The following ARHGAP23 variants were observed in gnomAD, a reference collection of about 807,000 sequenced individuals.
ARHGAP23 encodes the protein Rho GTPase activating protein 23, also known as rho GTPase-activating protein 23.
In ARHGAP23, 34 loss-of-function variants were observed where a neutral mutation model predicts 136.3. The observed-to-expected ratio is 0.25, with a 90% CI of 0.19 to 0.33. ARHGAP23 has a LOEUF of 0.33. Among genes scored for constraint, ARHGAP23 ranks in the 10% least tolerant of loss-of-function variants. ARHGAP23 has a pLI of 1.00. For missense variants in ARHGAP23, 1,808 were observed against 2,139.0 expected (o/e 0.85, Z 3.05); for synonymous variants, 832 against 920.5 (o/e 0.90, Z 1.74).
intron 22 of ARHGAP23, among the ~76,000 whole-genome samples, chr17:38,499,449 C>T (rs2040471631): frequency 6.6e-6 from 1 of 152,236 alleles, no homozygotes; most frequent in South Asian, 2.1e-4. Flanking sequence ...AGATGATTTA[C>T]ATGCTCAGAG....
At position 38,466,347 on chromosome 17, in the gene ARHGAP23, C is replaced by A; in HGVS notation, c.664C>A (p.Pro222Thr). Residue 222 changes from proline to threonine, a missense_variant, in exon 7 of 24, where the codon CCT (proline) becomes ACT (threonine). Coordinates refer to ENST00000622683, the MANE Select transcript of ARHGAP23 (RefSeq NM_001199417.2). The part of the protein sequence containing the change: ...TSALPSDPRS[P>T]AAWSDPGLRV... ...AGCACTGCCCAGTGACCCCCGGAGT[C>A]CTGCTGCCTGGAGTGACCCGGGGCT... 1 of 1,542,322 alleles carries A rather than the reference C, an allele frequency of 6.5e-7. No individual in the cohort carries two copies. The highest frequency in any genetic ancestry group is 8.7e-7 in the Non-Finnish European group (1 of 1,145,976).
chr17:38,470,060 A>T (rs1333659052), intron 10 of ARHGAP23, among the ~76,000 whole-genome samples, 156 bp downstream of exon 10: 1 of 151,886 alleles, frequency 6.6e-6, no homozygotes, highest in Non-Finnish European at 1.5e-5. Context: ...CCACCGCGGG[A>T]CCCGCCCTCT....
rs778025028 is a variant in ARHGAP23 at position 38,466,271 on chromosome 17, C to T, written c.588C>T (p.Ala196=). 1.9e-6 allele frequency: 3 copies of T among 1,548,682 alleles called. No homozygotes were observed. In the East Asian group the frequency reaches 7.3e-5, roughly 38 times the overall value. ...PPICYPRKTY[A]PPARASTRAT... ...TCTGCTACCCCCGCAAGACCTACGC[C>T]CCTCCTGCCCGGGCCTCCACCAGGG... The change falls in exon 7 of 24, where the codon GCC becomes GCT. Residue 196 remains alanine (A), a synonymous_variant. Coordinates refer to ENST00000622683, the MANE Select transcript of ARHGAP23 (RefSeq NM_001199417.2).
chr17:38,465,478 G>A (rs1325930956), intron 6 of ARHGAP23, among the ~76,000 whole-genome samples: 2 of 152,332 alleles, frequency 1.3e-5, no homozygotes, highest in Non-Finnish European at 1.5e-5. Context: ...CCACAAGGCC[G>A]CTGTCCCTGG....
At chr17:38,443,615 GGTTCA>G (rs1359106476) in intron 1 of ARHGAP23, among the ~76,000 whole-genome samples, 3 of 151,636 alleles carry the variant, frequency 2.0e-5, no homozygotes, top group African/African-American at 7.3e-5. Flanking sequence ...ATTAGGGAGT[GGTTCA>G]GTTCATAGGC....
rs1478577877 is a variant in ARHGAP23 at position 38,491,864 on chromosome 17, C to CA, written c.3276+333dup. On this transcript the variant is annotated intron_variant, in intron 20 of 23. Coordinates refer to ENST00000622683, the MANE Select transcript of ARHGAP23 (RefSeq NM_001199417.2). ...TGGTGGAGGGCGGAAGGGGCAGCTT[C>CA]AGAAGTTGGCCCCTGGAGAGGTGTC... 15 of 325,896 alleles carry CA rather than the reference C, an allele frequency of 4.6e-5. 1 individual carries two copies. Among genetic ancestry groups the CA allele is most frequent in the African/African-American group, 3.1e-4 (15 of 48,756 alleles). 20.2% of individuals were successfully genotyped at this position (325,896 alleles called of 1,614,324 possible). A position where few individuals can be genotyped will look rare whatever the true frequency, so the allele number is the denominator to read the frequency against.
intron 14 of ARHGAP23, among the ~76,000 whole-genome samples, chr17:38,480,493 G>T (rs1200180063): frequency 1.3e-5 from 2 of 151,564 alleles, no homozygotes; most frequent in Admixed American, 6.6e-5. Context: ...AATTAGCCGG[G>T]TGTGGTGGCA....
At chr17:38,459,606 G>A (rs1440994922) in intron 2 of ARHGAP23, among the ~76,000 whole-genome samples, 1 of 152,230 alleles carries the variant, frequency 6.6e-6, no homozygotes, top group Non-Finnish European at 1.5e-5. Flanking sequence ...AGACCCTGCT[G>A]AAGCGTGACA....
intron 1 of ARHGAP23, among the ~76,000 whole-genome samples, chr17:38,440,705 G>A (rs1481595254): frequency 6.6e-6 from 1 of 152,212 alleles, no homozygotes; most frequent in Non-Finnish European, 1.5e-5. Flanking sequence ...TGCTTTCTTT[G>A]GGGGCACACA....
At chr17:38,435,371 G>C (rs1415536826) in intron 1 of ARHGAP23, among the ~76,000 whole-genome samples, 2 of 152,168 alleles carry the variant, frequency 1.3e-5, no homozygotes, top group African/African-American at 4.8e-5. Context: ...CTTCAGCTCT[G>C]ACCTGCGGTG....
chr17:38,473,950 T>C (rs958847883), intron 11 of ARHGAP23, among the ~76,000 whole-genome samples: 26 of 152,232 alleles, frequency 1.7e-4, no homozygotes, highest in African/African-American at 6.3e-4. Flanking sequence ...AGACGGAGTT[T>C]CACTCTGTTG....
Position 38,430,201 on chromosome 17 carries a change from T to C in ARHGAP23, c.63+1653T>C, listed in dbSNP as rs545298898. Among the ~76,000 whole-genome samples, 5 of 152,258 alleles carry C rather than the reference T, an allele frequency of 3.3e-5. No homozygotes were observed. In the South Asian group the frequency reaches 1.0e-3, roughly 32 times the overall value. ...TGGGAGTGGGCAGGGTAGGTGTTGG[T>C]GTCCCATTTCACAGAGAGGGTCTGA... is the stretch of plus-strand genomic sequence containing the variant. On this transcript the variant is annotated intron_variant, in intron 1 of 23. Transcript: ENST00000622683.
intron 1 of ARHGAP23, chr17:38,457,267 C>T (rs566857228): frequency 1.3e-5 from 2 of 152,894 alleles, no homozygotes; most frequent in East Asian, 3.9e-4. Flanking sequence ...GCCCAGCCAC[C>T]CCAAGCCTTT....
intron 20 of ARHGAP23, among the ~76,000 whole-genome samples, chr17:38,496,818 T>A (rs572551300): frequency 6.6e-6 from 1 of 152,310 alleles, no homozygotes; most frequent in South Asian, 2.1e-4. Context: ...CCAGGCGTGA[T>A]GGCGTGCACC....
At chr17:38,440,712 C>T (rs2038901800) in intron 1 of ARHGAP23, among the ~76,000 whole-genome samples, 1 of 152,202 alleles carries the variant, frequency 6.6e-6, no homozygotes, top group Non-Finnish European at 1.5e-5. Flanking sequence ...TTTGGGGGCA[C>T]ACAAGTGGCC....
chr17:38,468,445 G>A (rs922093776), intron 7 of ARHGAP23, among the ~76,000 whole-genome samples: 2 of 152,188 alleles, frequency 1.3e-5, no homozygotes, highest in African/African-American at 4.8e-5. Context: ...CAGGATAGAC[G>A]GGGCTGGGGA....
chr17:38,473,356 C>T (rs1327616639), intron 11 of ARHGAP23, among the ~76,000 whole-genome samples: 1 of 152,132 alleles, frequency 6.6e-6, no homozygotes, highest in Non-Finnish European at 1.5e-5. Flanking sequence ...TCCTATCCGG[C>T]CACATATCAA....
At chr17:38,455,959 C>A (rs545371554) in intron 1 of ARHGAP23, among the ~76,000 whole-genome samples, 1 of 152,206 alleles carries the variant, frequency 6.6e-6, no homozygotes, top group Non-Finnish European at 1.5e-5. Flanking sequence ...GTCAAAACCC[C>A]TGCTGAGACC....
Position 38,477,887 on chromosome 17 carries a change from C to T in ARHGAP23, c.2427C>T (p.Ala809=), listed in dbSNP as rs747722961. 85 of 1,547,778 alleles carry T rather than the reference C, an allele frequency of 5.5e-5. No homozygotes were observed. Among genetic ancestry groups the T allele is most frequent in the Non-Finnish European group, 6.5e-5 (74 of 1,146,360 alleles). The change falls in exon 12 of 24, where the codon GCC becomes GCT. Residue 809 remains alanine, a synonymous_variant. Transcript: ENST00000622683. This position sits in a 1 kb window ranked among gnomAD's most constrained non-coding sequence, Gnocchi z 6.6. ...GAGCGATCCGGGAGAACAGCAGGGC[C>T]GAGGGCGAGGTGAGGGCCCGGCCAG... is the stretch of plus-strand genomic sequence containing the variant. ...WIRAIRENSR[A]EGEDPGCANQ...
Sources: gnomAD v4.1 joint callset for allele counts (sites outside exome capture counted in the v4.1 genomes callset) on GRCh38, gnomAD v4.1.1 for gene constraint, Gnocchi (gnomAD v3.1) non-coding constraint, MANE v1.5 for transcripts, NCBI Gene and HGNC (gene_info 2026-07-23, HGNC 2026-07-21) for gene names.